Variants in PRKG1 observed in about 807,000 individuals in gnomAD.
PRKG1 encodes cGMP-dependent protein kinase 1.
A neutral mutation model predicts 88.1 loss-of-function variants in PRKG1; 35 were observed. The observed-to-expected ratio is 0.40, with a 90% CI of 0.30 to 0.53. The LOEUF is 0.53. Ranked by LOEUF, PRKG1 falls within the 20% of genes least tolerant of loss-of-function variation. The pLI, the probability that PRKG1 is intolerant of heterozygous loss-of-function variation, is 0.59. For synonymous variants in PRKG1, 303 were observed against 292.5 expected, an observed-to-expected ratio of 1.04 and a Z score of -0.37; for missense variants, 540 against 839.8, an observed-to-expected ratio of 0.64 and a Z score of 4.41.
upstream of PRKG1, among the ~76,000 whole-genome samples, chr10:51,073,392 A>T (rs1843864576): frequency 6.6e-6 from 1 of 152,152 alleles, no homozygotes; most frequent in Non-Finnish European, 1.5e-5. Context: ...TACATTCCTA[A>T]CAGCTTGGTT....
intron 5 of PRKG1, among the ~76,000 whole-genome samples, chr10:51,928,589 T>C (rs182909013): frequency 2.3e-4 from 35 of 152,288 alleles, no homozygotes; most frequent in African/African-American, 8.4e-4. Context: ...TTCTGGAAAG[T>C]AACCCCTTCT....
At chr10:51,617,301 T>G (rs150405142) in intron 3 of PRKG1, among the ~76,000 whole-genome samples, 251 of 152,280 alleles carry the variant, frequency 1.6e-3, no homozygotes, top group African/African-American at 5.8e-3. Flanking sequence ...TCCTGTCACT[T>G]TTCTGTTGAA....
intron 5 of PRKG1, among the ~76,000 whole-genome samples, chr10:51,998,324 T>C (rs1040953603): frequency 6.6e-6 from 1 of 152,160 alleles, no homozygotes; most frequent in Non-Finnish European, 1.5e-5. Context: ...GTTCTTGATT[T>C]CGTGTGGGAG....
At chr10:51,328,478 C>T (rs1413383662) in intron 2 of PRKG1, among the ~76,000 whole-genome samples, 1 of 152,106 alleles carries the variant, frequency 6.6e-6, no homozygotes, top group Non-Finnish European at 1.5e-5. Flanking sequence ...AATTTTATTT[C>T]CTTTGGATAT....
intron 2 of PRKG1, among the ~76,000 whole-genome samples, chr10:51,283,940 C>A (rs1293102556): frequency 6.6e-6 from 1 of 152,088 alleles, no homozygotes; most frequent in Non-Finnish European, 1.5e-5. Flanking sequence ...GAAGTGAATT[C>A]TTGCTTCTAA....
At position 51,731,870 on chromosome 10, in the gene PRKG1, TGGTTTCTTCTGA is replaced by T. The variant is rs141831637; in HGVS notation, c.593-72712_593-72701del. 6.0e-3 allele frequency among the ~76,000 whole-genome samples: 911 copies of T among 152,278 alleles called. 8 individuals carry two copies. The highest frequency in any genetic ancestry group is 0.014 in the South Asian group (69 of 4,824). ...AATGTCAAGGTGTTTAAAGTAGGAT[TGGTTTCTTCTGA>T]GGCCTCCCTCCTTGGCTTGCAGATG... On this transcript the variant is annotated intron_variant, in intron 3 of 17. Transcript: ENST00000373980.
At chr10:52,208,218 A>G (rs1839871849) in intron 9 of PRKG1, among the ~76,000 whole-genome samples, 1 of 152,210 alleles carries the variant, frequency 6.6e-6, no homozygotes. Flanking sequence ...ATCACTTTGA[A>G]TGTGAGTCTT....
intron 3 of PRKG1, among the ~76,000 whole-genome samples, chr10:51,726,881 A>G (rs1012719251): frequency 6.6e-6 from 1 of 152,002 alleles, no homozygotes; most frequent in Non-Finnish European, 1.5e-5. Context: ...GGTTCACGCC[A>G]TTCTCCTGCC....
chr10:51,851,224 T>TA (rs36012634), intron 4 of PRKG1, among the ~76,000 whole-genome samples: 10 of 152,154 alleles, frequency 6.6e-5, no homozygotes, highest in African/African-American at 2.4e-4. Flanking sequence ...TAAATTTGCA[T>TA]AAAAAAGGAC....
At chr10:51,649,090 A>G (rs940048846) in intron 3 of PRKG1, among the ~76,000 whole-genome samples, 4 of 152,156 alleles carry the variant, frequency 2.6e-5, no homozygotes, top group African/African-American at 9.7e-5. Flanking sequence ...TCAATATATG[A>G]ATTGGTGATC....
At chr10:51,865,752 C>A (rs1840998438) in intron 4 of PRKG1, among the ~76,000 whole-genome samples, 1 of 151,978 alleles carries the variant, frequency 6.6e-6, no homozygotes, top group African/African-American at 2.4e-5. Context: ...ATAACTTGTG[C>A]TAAGGGAAAA....
At chr10:51,370,602 T>C (rs916650948) in intron 2 of PRKG1, among the ~76,000 whole-genome samples, 1 of 151,542 alleles carries the variant, frequency 6.6e-6, no homozygotes, top group Non-Finnish European at 1.5e-5. Context: ...ATGCATCCCA[T>C]CAGTGACCAA....
At chr10:51,785,763 A>G (rs1838711694) in intron 3 of PRKG1, among the ~76,000 whole-genome samples, 1 of 152,148 alleles carries the variant, frequency 6.6e-6, no homozygotes, top group African/African-American at 2.4e-5. Flanking sequence ...GTCTCACGCC[A>G]TGTTTAAATA....
intron 3 of PRKG1, among the ~76,000 whole-genome samples, chr10:51,709,204 C>T (rs935749758): frequency 2.0e-5 from 3 of 152,112 alleles, no homozygotes; most frequent in African/African-American, 7.2e-5. Flanking sequence ...AATGTTTAGC[C>T]ACCAATTCAC....
intron 3 of PRKG1, among the ~76,000 whole-genome samples, chr10:51,568,065 G>A (rs1837653076): frequency 6.6e-6 from 1 of 151,926 alleles, no homozygotes; most frequent in African/African-American, 2.4e-5. Context: ...GAAAGAGAAT[G>A]TGTAATTTAA....
intron 5 of PRKG1, among the ~76,000 whole-genome samples, chr10:51,970,051 C>CAT (rs1415860987): frequency 6.2e-5 from 7 of 112,154 alleles, no homozygotes; most frequent in African/African-American, 2.2e-4. Flanking sequence ...CACACACACA[C>CAT]CCATATTTAT....
rs542413915 is a variant in PRKG1 at position 51,797,074 on chromosome 10, C to T, written c.593-7511C>T. Among the ~76,000 whole-genome samples, 3 of 151,760 alleles carry T rather than the reference C, an allele frequency of 2.0e-5. No homozygotes were observed. In the South Asian group the frequency reaches 6.2e-4, roughly 32 times the overall value. ...GGCATGGAGTAAAACAAGCTTTTAT[C>T]TGGAGGGGTAGAGGCAGGCTTGAAG... is the stretch of plus-strand genomic sequence containing the variant. On this transcript the variant is annotated intron_variant, in intron 3 of 17. Transcript: ENST00000373980.
chr10:52,158,037 G>A (rs1300980918), intron 8 of PRKG1, among the ~76,000 whole-genome samples: 1 of 151,698 alleles, frequency 6.6e-6, no homozygotes, highest in African/African-American at 2.4e-5. Context: ...AAGGTTTGCT[G>A]TGGAGATGCC....
chr10:52,198,517 T>C (rs1310790282), intron 9 of PRKG1, among the ~76,000 whole-genome samples: 1 of 152,184 alleles, frequency 6.6e-6, no homozygotes, highest in Non-Finnish European at 1.5e-5. Context: ...ATAATTAGAA[T>C]GATAATAAAA....
Sources: allele counts gnomAD v4.1 joint callset (sites outside exome capture counted in the v4.1 genomes callset), GRCh38; gene constraint gnomAD v4.1.1; transcripts MANE v1.5; gene names NCBI Gene and HGNC (gene_info 2026-07-23, HGNC 2026-07-21).